Variants in DLGAP2 observed in about 807,000 individuals in gnomAD.
DLGAP2 encodes disks large-associated protein 2.
In DLGAP2, 26 loss-of-function variants were observed where a neutral mutation model predicts 100.3. The observed-to-expected ratio is 0.26, with a 90% CI of 0.19 to 0.36. DLGAP2 has a LOEUF of 0.36. Ranked by LOEUF, DLGAP2 falls within the 10% of genes least tolerant of loss-of-function variation. DLGAP2 has a pLI of 1.00. For missense variants in DLGAP2, 1,858 were observed against 1,453.2 expected (o/e 1.28, Z -4.53); for synonymous variants, 886 against 630.1 (o/e 1.41, Z -6.08).
At position 1,701,233 on chromosome 8, in the gene DLGAP2, G is replaced by A; in HGVS notation, c.2995G>A (p.Gly999Arg). ...TCCAATACCAAAGAAGCCTCCCAAG[G>A]GGAAGTTTCCCATCACAAGAGAAAA... Reference protein sequence around the residue: ...PPPIPKKPPKGKFPITREKSL... With the variant: ...PPPIPKKPPKRKFPITREKSL... The change falls in exon 15 of 15, where the codon GGG (glycine) becomes AGG (arginine). Residue 999 changes from glycine (G) to arginine (R), a missense_variant. Coordinates refer to ENST00000637795, the MANE Select transcript of DLGAP2 (RefSeq NM_001346810.2). 1 of 1,577,860 alleles carries A rather than the reference G, an allele frequency of 6.3e-7. No homozygotes were observed. Among genetic ancestry groups the A allele is most frequent in the South Asian group, 1.2e-5 (1 of 85,984 alleles).
At chr8:1,135,041 A>G (rs1408773156) in intron 2 of DLGAP2, among the ~76,000 whole-genome samples, 1 of 152,164 alleles carries the variant, frequency 6.6e-6, no homozygotes, top group African/African-American at 2.4e-5. Context: ...AGATGATTCT[A>G]TTCTTTATTT....
intron 3 of DLGAP2, among the ~76,000 whole-genome samples, chr8:1,470,068 A>G (rs60567659): frequency 0.024 from 3,723 of 152,072 alleles, 125 homozygotes; most frequent in African/African-American, 0.085. Flanking sequence ...AGGTTGAGGC[A>G]GGAGGATCAC....
chr8:1,498,609 C>T (rs1799618456), intron 3 of DLGAP2, among the ~76,000 whole-genome samples: 1 of 152,132 alleles, frequency 6.6e-6, no homozygotes, highest in African/African-American at 2.4e-5. Context: ...GTCTGTGCAG[C>T]CGTGATAAAG....
intron 6 of DLGAP2, among the ~76,000 whole-genome samples, chr8:1,608,799 GATGAAATGA>G (rs1367864714): frequency 1.3e-5 from 2 of 150,538 alleles, no homozygotes; most frequent in Admixed American, 6.6e-5. Flanking sequence ...AGCAGTGGAA[GATGAAATGA>G]ATGAAATGAA....
intron 3 of DLGAP2, among the ~76,000 whole-genome samples, chr8:1,434,684 C>G (rs1012793465): frequency 3.9e-5 from 6 of 152,162 alleles, no homozygotes; most frequent in African/African-American, 4.8e-5. Flanking sequence ...CTATGTTGCC[C>G]TGGCTGATCT....
At chr8:1,536,298 T>C (rs28619426) in intron 4 of DLGAP2, among the ~76,000 whole-genome samples, 21,020 of 151,972 alleles carry the variant, frequency 0.14, 1,801 homozygotes, top group East Asian at 0.27. Flanking sequence ...ACTGACGACT[T>C]CCCGGGATTG....
At chr8:1,206,800 C>T (rs1240942101) in intron 2 of DLGAP2, among the ~76,000 whole-genome samples, 1 of 152,218 alleles carries the variant, frequency 6.6e-6, no homozygotes, top group Non-Finnish European at 1.5e-5. Context: ...TTGTCTGCAC[C>T]TGCAGGCTAA....
chr8:936,890 G>A (rs1254443494), intron 2 of DLGAP2, among the ~76,000 whole-genome samples: 1 of 152,152 alleles, frequency 6.6e-6, no homozygotes, highest in East Asian at 1.9e-4. Context: ...CTGGTCCATC[G>A]TTTCACCACC....
rs575404550 is a variant in DLGAP2 at position 1,596,420 on chromosome 8, C to T, written c.1443-30320C>T. ...GGATTGCTGGGTCAAATTGTATTTC[C>T]AGTTCTAGATCCTTGAGGAATCACC... is the stretch of plus-strand genomic sequence containing the variant. On this transcript the variant is annotated intron_variant, in intron 6 of 14. Transcript: ENST00000637795. Among the ~76,000 whole-genome samples the T allele has an allele frequency of 3.8e-4, 58 of 152,228 alleles. 1 individual carries two copies. The South Asian group carries it at 0.012, about 30-fold the overall frequency.
chr8:1,662,869 T>C (rs967823353), intron 8 of DLGAP2, among the ~76,000 whole-genome samples: 2 of 143,186 alleles, frequency 1.4e-5, no homozygotes, highest in Non-Finnish European at 3.0e-5. Context: ...CGTGTGAGTG[T>C]GGGGTGTGTG....
chr8:1,454,876 C>T (rs1432210087), intron 3 of DLGAP2, among the ~76,000 whole-genome samples: 4 of 152,150 alleles, frequency 2.6e-5, no homozygotes, highest in African/African-American at 9.7e-5. Context: ...TCCTGTGGCC[C>T]ACCCTCCCGT....
intron 10 of DLGAP2, 141 bp downstream of exon 10, chr8:1,669,925 C>A (rs1366468793): frequency 2.9e-6 from 2 of 684,642 alleles, no homozygotes; most frequent in African/African-American, 1.8e-5. Context: ...CCCATCTGTC[C>A]CCCTTAGATG....
At chr8:1,114,811 A>G (rs1460315781) in intron 2 of DLGAP2, among the ~76,000 whole-genome samples, 1 of 152,082 alleles carries the variant, frequency 6.6e-6, no homozygotes, top group Non-Finnish European at 1.5e-5. Context: ...AGATCTTTCC[A>G]ACTTTTTGAT....
chr8:1,320,353 C>T lies in DLGAP2; in HGVS notation c.106+61470C>T, dbSNP rs143348483. Reference sequence around the variant, plus strand: ...GAAAGAGGCCAGGACTCGAGGGAACCGTAGCGTCGCATCCTACAGATGACA... The same window carrying T: ...GAAAGAGGCCAGGACTCGAGGGAACTGTAGCGTCGCATCCTACAGATGACA... On this transcript the variant is annotated intron_variant, in intron 3 of 14. Coordinates refer to ENST00000637795, the MANE Select transcript of DLGAP2 (RefSeq NM_001346810.2). 2.8e-4 allele frequency among the ~76,000 whole-genome samples: 43 copies of T among 152,156 alleles called. No individual in the cohort carries two copies. The East Asian group carries it at 7.2e-3, about 25-fold the overall frequency.
At chr8:756,806 C>A (rs889530852) in intron 1 of DLGAP2, among the ~76,000 whole-genome samples, 1 of 152,182 alleles carries the variant, frequency 6.6e-6, no homozygotes, top group Non-Finnish European at 1.5e-5. Context: ...CTCCCGCCTC[C>A]GGTCTCTCTC....
Position 1,180,256 on chromosome 8 carries a change from C to G in DLGAP2, c.74-78595C>G, listed in dbSNP as rs1046618180. Among the ~76,000 whole-genome samples the G allele has an allele frequency of 2.0e-5, 3 of 152,172 alleles. No individual in the cohort carries two copies. The East Asian group carries it at 5.8e-4, about 29-fold the overall frequency. The stretch of plus-strand genomic sequence containing the variant: ...GCCCAGATTCTAGCTACACATATGT[C>G]CATGTAACCCACATGCCAGTCAGAC... On this transcript the variant is annotated intron_variant, in intron 2 of 14. Coordinates refer to ENST00000637795, the MANE Select transcript of DLGAP2 (RefSeq NM_001346810.2).
At chr8:1,344,252 C>T (rs1050978099) in intron 3 of DLGAP2, among the ~76,000 whole-genome samples, 2 of 125,838 alleles carry the variant, frequency 1.6e-5, no homozygotes, top group African/African-American at 6.0e-5. Flanking sequence ...ACACTTCGCC[C>T]AGTCTCCCCT....
intron 3 of DLGAP2, among the ~76,000 whole-genome samples, chr8:1,334,689 G>A (rs982079970): frequency 2.7e-4 from 41 of 151,922 alleles, no homozygotes; most frequent in African/African-American, 9.2e-4. Context: ...GGCACTCCAG[G>A]GTAAACACCT....
intron 1 of DLGAP2, among the ~76,000 whole-genome samples, chr8:759,844 G>A (rs1297911668): frequency 1.3e-5 from 2 of 152,114 alleles, no homozygotes; most frequent in African/African-American, 2.4e-5. Flanking sequence ...AACTTTAAAC[G>A]ATAAATTGCA....
Sources: allele counts gnomAD v4.1 joint callset (sites outside exome capture counted in the v4.1 genomes callset), GRCh38; gene constraint gnomAD v4.1.1; transcripts MANE v1.5; gene names NCBI Gene and HGNC (gene_info 2026-07-23, HGNC 2026-07-21).